The following LMNA variants were observed in gnomAD, a reference collection of about 807,000 sequenced individuals.
LMNA encodes lamin.
In LMNA, 20 loss-of-function variants were observed where a neutral mutation model predicts 70.4. That is an observed-to-expected ratio of 0.28 (90% confidence interval 0.20 to 0.41). The LOEUF (loss-of-function observed/expected upper bound fraction) is 0.41, where lower values mean the gene tolerates loss of function less well. Ranked by LOEUF, LMNA falls within the 10% of genes least tolerant of loss-of-function variation. The pLI is 1.00. For missense variants in LMNA, 652 were observed against 917.2 expected (o/e 0.71, Z 3.73); for synonymous variants, 339 against 372.8 (o/e 0.91, Z 1.04).
rs781774834 is a variant in LMNA, at chr1:156,137,690, G to A, written c.1645G>A (p.Val549Met). 6 of 1,556,436 alleles carry A rather than the reference G, an allele frequency of 3.9e-6. No homozygotes were observed. The South Asian group carries it at 7.1e-5, about 18-fold the overall frequency. Residue 549 changes from valine (V) to methionine (M), a missense_variant, in exon 10 of 12, where the codon GTG (valine) becomes ATG (methionine). This residue lies in a region of LMNA where 327 missense variants were observed against 387.6 expected (regional missense o/e 0.84). Coordinates refer to ENST00000368300, the MANE Select transcript of LMNA (RefSeq NM_170707.4). The surrounding 1 kb of genome is among the most constrained non-coding windows in gnomAD (Gnocchi z 4.6). ...AMRKLVRSVT[V>M]VEDDEDEDGD... is the part of the protein sequence containing the mutation. ...GCGCAAGCTGGTGCGCTCAGTGACT[G>A]TGGTTGAGGACGACGAGGATGAGGA... is the stretch of plus-strand genomic sequence containing the variant.
At chr1:156,119,123 C>CTT (rs764508337) in intron 1 of LMNA, among the ~76,000 whole-genome samples, 2 of 141,276 alleles carry the variant, frequency 1.4e-5, no homozygotes, top group African/African-American at 2.6e-5. Flanking sequence ...TTTTTTTTTT[C>CTT]TTTTTTTTTT....
At chr1:156,111,819 T>C (rs867492054), upstream of LMNA, among the ~76,000 whole-genome samples, 5 of 152,002 alleles carry the variant, frequency 3.3e-5, no homozygotes, top group African/African-American at 1.2e-4. Flanking sequence ...AGTTAAGAGG[T>C]AGGATTAGAA....
In LMNA at chr1:156,135,442, A is replaced by G; in HGVS notation, c.936+130A>G. On this transcript the variant is annotated intron_variant, in intron 5 of 11. Transcript: ENST00000368300. This position sits in a 1 kb window ranked among gnomAD's most constrained non-coding sequence, Gnocchi z 4.8. ...GAGGAGAGGGATGAAAAGTGTCCCCACAACCACAGAGAAGGGTCGCAGGAT... is the reference window on the plus strand; with the variant it reads ...GAGGAGAGGGATGAAAAGTGTCCCCGCAACCACAGAGAAGGGTCGCAGGAT... 8.3e-7 allele frequency: 1 copy of G among 1,210,984 alleles called. No individual in the cohort carries two copies. The allele number at this position is 1,210,984 out of a possible 1,614,324, so 75.0% of individuals were successfully genotyped here.
At chr1:156,114,231 G>C (rs939955626), upstream of LMNA, among the ~76,000 whole-genome samples, 1 of 152,144 alleles carries the variant, frequency 6.6e-6, no homozygotes, top group Non-Finnish European at 1.5e-5. Flanking sequence ...AGGGGGGTTG[G>C]GGTGACTCAC....
rs1651486197 is a variant in LMNA at position 156,135,475 on chromosome 1, C to T, written c.936+163C>T. ...AGAGAAGGGTCGCAGGATGTGGAGTCAGATGGCCTGTGTGCTGTTTCTGTA... is the reference window on the plus strand; with the variant it reads ...AGAGAAGGGTCGCAGGATGTGGAGTTAGATGGCCTGTGTGCTGTTTCTGTA... On this transcript the variant is annotated intron_variant, in intron 5 of 11. Transcript: ENST00000368300. The surrounding 1 kb of genome is among the most constrained non-coding windows in gnomAD (Gnocchi z 4.8). 1 of 883,786 alleles carries T rather than the reference C, an allele frequency of 1.1e-6. No individual in the cohort carries two copies. The highest frequency in any genetic ancestry group is 1.8e-6 in the Non-Finnish European group (1 of 560,652). 54.7% of individuals were successfully genotyped at this position (883,786 alleles called of 1,614,324 possible).
Position 156,137,696 on chromosome 1 carries a change from G to T in LMNA, c.1651G>T (p.Glu551Ter). Residue 551 changes from glutamate (E) to a stop codon, truncating the protein, a stop_gained, in exon 10 of 12, where the codon GAG becomes TAG. Coordinates refer to ENST00000368300, the MANE Select transcript of LMNA (RefSeq NM_170707.4). LOFTEE classifies it high-confidence loss of function. This position sits in a 1 kb window ranked among gnomAD's most constrained non-coding sequence, Gnocchi z 4.6. ...GCTGGTGCGCTCAGTGACTGTGGTT[G>T]AGGACGACGAGGATGAGGATGGAGA... ...RKLVRSVTVV[E>*]DDEDEDGDDL... The T allele has an allele frequency of 6.4e-7, 1 of 1,556,226 alleles. No individual in the cohort carries two copies.
chr1:156,106,441 G>C (rs1443669940), intron 3 of LMNA, among the ~76,000 whole-genome samples: 3 of 146,104 alleles, frequency 2.1e-5, no homozygotes, highest in Admixed American at 6.6e-5. Flanking sequence ...CACACACACA[G>C]AGACACACAG....
chr1:156,089,063 G>A (rs72708255), intron 2 of LMNA, among the ~76,000 whole-genome samples: 6,867 of 152,124 alleles, frequency 0.045, 237 homozygotes, highest in Middle Eastern at 0.12. Flanking sequence ...CTGAAACTTC[G>A]AACTCCCAGG....
At chr1:156,128,074 C>T (rs964921269) in intron 1 of LMNA, among the ~76,000 whole-genome samples, 1 of 152,070 alleles carries the variant, frequency 6.6e-6, no homozygotes, top group Non-Finnish European at 1.5e-5. Context: ...CTACTTGCTG[C>T]GGGACCCTAG....
At position 156,136,242 on chromosome 1, in the gene LMNA, C is replaced by A. The variant is rs1651605822; in HGVS notation, c.1186C>A (p.Gln396Lys). 1 of 1,611,986 alleles carries A rather than the reference C, an allele frequency of 6.2e-7. No individual in the cohort carries two copies. Among genetic ancestry groups the A allele is most frequent in the African/African-American group, 1.3e-5 (1 of 74,938 alleles). The change falls in exon 7 of 12, where the codon CAG (glutamine) becomes AAG (lysine). Residue 396 changes from glutamine (Q) to lysine (K), a missense_variant. Physicochemically the swap from Gln to Lys is moderately conservative, Grantham distance 53 (BLOSUM62 1). Transcript: ENST00000368300. The surrounding 1 kb of genome is among the most constrained non-coding windows in gnomAD (Gnocchi z 6.1). Reference protein sequence around the residue: ...RLRLSPSPTSQRSRGRASSHS... With the variant: ...RLRLSPSPTSKRSRGRASSHS... ...ACGCCTGTCCCCCAGCCCTACCTCG[C>A]AGCGCAGCCGTGGCCGTGCTTCCTC...
chr1:156,135,542 C>A lies in LMNA; in HGVS notation c.936+230C>A. On this transcript the variant is annotated intron_variant, in intron 5 of 11. Coordinates refer to ENST00000368300, the MANE Select transcript of LMNA (RefSeq NM_170707.4). The surrounding 1 kb of genome is among the most constrained non-coding windows in gnomAD (Gnocchi z 4.8). ...TCACTTCTCAGGGCTTTGGTTTTCCCATTCGAAAATGGAGGCTGTTCTTAA... is the reference window on the plus strand; with the variant it reads ...TCACTTCTCAGGGCTTTGGTTTTCCAATTCGAAAATGGAGGCTGTTCTTAA... 1 of 633,978 alleles carries A rather than the reference C, an allele frequency of 1.6e-6. No homozygotes were observed. Among genetic ancestry groups the A allele is most frequent in the Non-Finnish European group, 2.7e-6 (1 of 365,202 alleles). 39.3% of individuals were successfully genotyped at this position (633,978 alleles called of 1,614,324 possible). A position where few individuals can be genotyped will look rare whatever the true frequency, so the allele number is the denominator to read the frequency against.
chr1:156,135,219 C>T lies in LMNA; in HGVS notation c.843C>T (p.Asn281=), dbSNP rs1651447057. The T allele has an allele frequency of 1.2e-6, 2 of 1,613,962 alleles. No individual in the cohort carries two copies. The highest frequency in any genetic ancestry group is 1.7e-6 in the Non-Finnish European group (2 of 1,180,040). ...LDNARQSAER[N]SNLVGAAHEE... is the part of the protein sequence containing the mutation. ...ATGCCAGGCAGTCTGCTGAGAGGAACAGCAACCTGGTGGGGGCTGCCCACG... is the reference window on the plus strand; with the variant it reads ...ATGCCAGGCAGTCTGCTGAGAGGAATAGCAACCTGGTGGGGGCTGCCCACG... Residue 281 remains asparagine (N), a synonymous_variant, in exon 5 of 12, where the codon AAC becomes AAT. Transcript: ENST00000368300. The surrounding 1 kb of genome is among the most constrained non-coding windows in gnomAD (Gnocchi z 4.8).
chr1:156,134,992 G>A lies in LMNA; in HGVS notation c.810+17G>A, dbSNP rs771192755. ...TCTGCCAAGGTGCTTGCTCTCGATT[G>A]GTTCCCTCACTGCCTCTGCCCTTGG... is the stretch of plus-strand genomic sequence containing the variant. On this transcript the variant is annotated intron_variant, in intron 4 of 11. Coordinates refer to ENST00000368300, the MANE Select transcript of LMNA (RefSeq NM_170707.4). This position sits in a 1 kb window ranked among gnomAD's most constrained non-coding sequence, Gnocchi z 5.3. The A allele has an allele frequency of 8.1e-6, 13 of 1,614,076 alleles. No individual in the cohort carries two copies. Among genetic ancestry groups the A allele is most frequent in the Non-Finnish European group, 1.0e-5 (12 of 1,180,030 alleles).
chr1:156,114,705 T>A, upstream of LMNA: 1 of 530,306 alleles, frequency 1.9e-6, no homozygotes, highest in South Asian at 2.4e-5. Context: ...CCGGCGTCGG[T>A]GACTCAGTGT....
intron 1 of LMNA, among the ~76,000 whole-genome samples, chr1:156,123,577 G>A (rs1650347811): frequency 6.6e-6 from 1 of 152,004 alleles, no homozygotes; most frequent in African/African-American, 2.4e-5. Flanking sequence ...GCCCCCTTCA[G>A]GACATTCTAC....
In LMNA at chr1:156,137,477, A is replaced by G; in HGVS notation, c.1609-177A>G. 1 of 780,192 alleles carries G rather than the reference A, an allele frequency of 1.3e-6. No individual in the cohort carries two copies. Among genetic ancestry groups the G allele is most frequent in the South Asian group, 1.5e-5 (1 of 65,518 alleles). The allele number at this position is 780,192 out of a possible 1,614,324, so 48.3% of individuals were successfully genotyped here. Reference sequence around the variant, plus strand: ...CATACTCCTACCCGGAGAGCTTGACAGTGTCCCTCTGGGGTGGAAATGAGT... The same window carrying G: ...CATACTCCTACCCGGAGAGCTTGACGGTGTCCCTCTGGGGTGGAAATGAGT... On this transcript the variant is annotated intron_variant, in intron 9 of 11. Transcript: ENST00000368300. This position sits in a 1 kb window ranked among gnomAD's most constrained non-coding sequence, Gnocchi z 4.6.
chr1:156,134,462 G>A lies in LMNA; in HGVS notation c.573G>A (p.Val191=), dbSNP rs754525930. The A allele has an allele frequency of 4.0e-5, 64 of 1,614,070 alleles. No individual in the cohort carries two copies. The highest frequency in any genetic ancestry group is 4.7e-5 in the Non-Finnish European group (55 of 1,180,042). The change falls in exon 3 of 12, where the codon GTG becomes GTA. Residue 191 remains valine, a synonymous_variant. Coordinates refer to ENST00000368300, the MANE Select transcript of LMNA (RefSeq NM_170707.4). This position sits in a 1 kb window ranked among gnomAD's most constrained non-coding sequence, Gnocchi z 5.3. ...KQLQDEMLRR[V]DAENRLQTMK... ...TTCAGGATGAGATGCTGCGGCGGGT[G>A]GATGCTGAGAACAGGCTGCAGACCA...
rs151160622 is a variant in LMNA at position 156,136,418 on chromosome 1, G to A, written c.1362G>A (p.Leu454=). The A allele has an allele frequency of 2.5e-6, 4 of 1,589,020 alleles. No individual in the cohort carries two copies. In the African/African-American group the frequency reaches 4.0e-5, roughly 16 times the overall value. Residue 454 remains leucine, a synonymous_variant, in exon 7 of 12, where the codon CTG becomes CTA. Coordinates refer to ENST00000368300, the MANE Select transcript of LMNA (RefSeq NM_170707.4). This position sits in a 1 kb window ranked among gnomAD's most constrained non-coding sequence, Gnocchi z 6.1. ...EVDEEGKFVR[L]RNKSNEDQSM... ...ATGAGGAGGGCAAGTTTGTCCGGCT[G>A]CGCAACAAGTCCAATGAGGTAGGCT... is the stretch of plus-strand genomic sequence containing the variant.
At chr1:156,082,798 C>A (rs1272372344) in intron 1 of LMNA, 1 of 150,152 alleles carries the variant, frequency 6.7e-6, no homozygotes, top group Non-Finnish European at 1.5e-5. Context: ...CCTGGGGGCC[C>A]GCTTTTTTAT....
Sources: gnomAD v4.1 joint callset for allele counts (sites outside exome capture counted in the v4.1 genomes callset) on GRCh38, gnomAD v4.1.1 for gene constraint, gnomAD v4.1.1 regional missense constraint, Gnocchi (gnomAD v3.1) non-coding constraint, MANE v1.5 for transcripts, NCBI Gene and HGNC (gene_info 2026-07-23, HGNC 2026-07-21) for gene names.